Variants in SARNP observed in about 807,000 individuals in gnomAD.
SARNP encodes the protein SAP domain containing ribonucleoprotein.
In SARNP, 5 loss-of-function variants were observed where a neutral mutation model predicts 38.1. The observed-to-expected ratio is 0.13, with a 90% CI of 0.07 to 0.28. SARNP has a LOEUF of 0.28. Among genes scored for constraint, SARNP ranks in the 10% least tolerant of loss-of-function variants. The probability of loss-of-function intolerance (pLI) is 1.00; values close to 1 mark genes in which losing one functional copy is unlikely to be tolerated. For synonymous variants in SARNP, 84 were observed against 80.6 expected (o/e 1.04, Z -0.23); for missense variants, 180 against 243.9 (o/e 0.74, Z 1.75).
chr12:55,787,663 T>C (rs1355168227), intron 9 of SARNP, among the ~76,000 whole-genome samples: 1 of 152,108 alleles, frequency 6.6e-6, no homozygotes, highest in Non-Finnish European at 1.5e-5. Flanking sequence ...TCTCAACTCC[T>C]GACCTCAGGT....
chr12:55,790,573 T>C lies in SARNP; in HGVS notation c.426A>G (p.Lys142=). The part of the protein sequence containing the change: ...VPTKGLSSDN[K]PMVNLDKLKE... ...ATAAAAAAAGATTTCTTACCATAGG[T>C]TTGTTATCAGATGACAGACCTAAGG... The change falls in exon 8 of 11, where the codon AAA becomes AAG. Residue 142 remains lysine, a synonymous_variant. Coordinates refer to ENST00000336133, the MANE Select transcript of SARNP (RefSeq NM_033082.4). The C allele has an allele frequency of 1.3e-6, 2 of 1,554,690 alleles. No individual in the cohort carries two copies. Among genetic ancestry groups the C allele is most frequent in the Admixed American group, 2.0e-5 (1 of 51,176 alleles).
At chr12:55,789,521 A>G (rs536401363) in intron 8 of SARNP, among the ~76,000 whole-genome samples, 1 of 152,196 alleles carries the variant, frequency 6.6e-6, no homozygotes, top group African/African-American at 2.4e-5. Context: ...TCTTAACTCT[A>G]TCTCCAAACA....
intron 1 of SARNP, 86 bp downstream of exon 1, chr12:55,817,580 G>T: frequency 7.7e-7 from 1 of 1,298,702 alleles, no homozygotes; most frequent in East Asian, 2.5e-5. Context: ...AGGCTGCACG[G>T]AGAAGACGTA....
intron 9 of SARNP, among the ~76,000 whole-genome samples, chr12:55,787,787 C>T (rs1416032097): frequency 7.4e-5 from 11 of 148,384 alleles, no homozygotes; most frequent in Admixed American, 6.1e-4. Context: ...CTCGCTCTGT[C>T]GCCCAGGCTG....
rs1879635963 is a variant in SARNP, at chr12:55,790,571, G to C, written c.428C>G (p.Pro143Arg). The C allele has an allele frequency of 6.4e-7, 1 of 1,554,000 alleles. No homozygotes were observed. The highest frequency in any genetic ancestry group is 1.4e-5 in the African/African-American group (1 of 72,436). The change falls in exon 8 of 11, where the codon CCT (proline) becomes CGT (arginine). Residue 143 changes from proline to arginine, a missense_variant. Pro to Arg is a moderately radical substitution (Grantham distance 103). This residue lies in a region of SARNP where 161 missense variants were observed against 194.1 expected (regional missense o/e 0.83). Transcript: ENST00000336133. ...AAATAAAAAAAGATTTCTTACCATAGGTTTGTTATCAGATGACAGACCTAA... is the reference window on the plus strand; with the variant it reads ...AAATAAAAAAAGATTTCTTACCATACGTTTGTTATCAGATGACAGACCTAA... The part of the protein sequence containing the change: ...PTKGLSSDNK[P>R]MVNLDKLKER...
At chr12:55,815,608 C>T (rs142268055) in intron 1 of SARNP, among the ~76,000 whole-genome samples, 17 of 152,272 alleles carry the variant, frequency 1.1e-4, no homozygotes, top group Admixed American at 2.0e-4. Context: ...GGACTACAGG[C>T]ACTTGCCACC....
At chr12:55,771,055 A>G (rs1015244541) in intron 9 of SARNP, among the ~76,000 whole-genome samples, 9 of 151,328 alleles carry the variant, frequency 5.9e-5, no homozygotes, top group Non-Finnish European at 1.3e-4. Context: ...CTCCTGCCTC[A>G]GCCTCCCAAG....
At chr12:55,761,282 C>G (rs1006094195) in intron 9 of SARNP, among the ~76,000 whole-genome samples, 2 of 152,146 alleles carry the variant, frequency 1.3e-5, no homozygotes, top group East Asian at 1.9e-4. Flanking sequence ...TGAGGTTTCA[C>G]TGAATAACAC....
chr12:55,802,936 A>AC (rs1880025769), intron 2 of SARNP, among the ~76,000 whole-genome samples: 1 of 151,758 alleles, frequency 6.6e-6, no homozygotes, highest in Admixed American at 6.6e-5. Flanking sequence ...AAAAAAAAAA[A>AC]AACACAATAC....
chr12:55,766,613 TGGCG>T (rs1878837693), intron 9 of SARNP, among the ~76,000 whole-genome samples: 2 of 13,076 alleles, frequency 1.5e-4, no homozygotes, highest in African/African-American at 4.4e-4. Context: ...TGGGTTTTTT[TGGCG>T]GGGGGGGGGG....
At chr12:55,775,288 G>A (rs1244915747) in intron 9 of SARNP, among the ~76,000 whole-genome samples, 1 of 149,506 alleles carries the variant, frequency 6.7e-6, no homozygotes, top group East Asian at 1.9e-4. Context: ...GACAAGCATG[G>A]TGGCTCACGC....
intron 9 of SARNP, among the ~76,000 whole-genome samples, chr12:55,788,521 G>A (rs1396271999): frequency 6.6e-6 from 1 of 152,160 alleles, no homozygotes; most frequent in Non-Finnish European, 1.5e-5. Context: ...CTCAGGCTGG[G>A]TGCAGTGGCT....
intron 9 of SARNP, among the ~76,000 whole-genome samples, chr12:55,784,057 G>A (rs1462249235): frequency 6.6e-6 from 1 of 152,094 alleles, no homozygotes; most frequent in East Asian, 1.9e-4. Context: ...AAATCAGCAA[G>A]CACGCAGGGT....
At chr12:55,764,684 A>G (rs940482413) in intron 9 of SARNP, among the ~76,000 whole-genome samples, 1 of 149,324 alleles carries the variant, frequency 6.7e-6, no homozygotes, top group African/African-American at 2.5e-5. Context: ...AAAAAAATAC[A>G]AAAATTAGCT....
chr12:55,770,348 C>T (rs1229813882), intron 9 of SARNP, among the ~76,000 whole-genome samples: 1 of 151,348 alleles, frequency 6.6e-6, no homozygotes, highest in Non-Finnish European at 1.5e-5. Context: ...GCCTCAGTCT[C>T]CCGAGTAGCT....
intron 9 of SARNP, among the ~76,000 whole-genome samples, chr12:55,783,989 T>C (rs1297393772): frequency 6.6e-6 from 1 of 152,128 alleles, no homozygotes; most frequent in East Asian, 1.9e-4. Context: ...TTTGCTCTCA[T>C]ATACTTCCTC....
At chr12:55,787,063 TA>T (rs1288042175) in intron 9 of SARNP, among the ~76,000 whole-genome samples, 48 of 145,870 alleles carry the variant, frequency 3.3e-4, no homozygotes, top group African/African-American at 7.0e-4. Context: ...ACCTCATCTC[TA>T]AAAAAAAAAA....
rs548513921 is a variant in SARNP at position 55,766,795 on chromosome 12, G to GT, written c.502-6156dup. Among the ~76,000 whole-genome samples, 444 of 152,064 alleles carry GT rather than the reference G, an allele frequency of 2.9e-3. 2 individuals carry two copies. Among genetic ancestry groups the GT allele is most frequent in the African/African-American group, 9.7e-3 (404 of 41,468 alleles). On this transcript the variant is annotated intron_variant, in intron 9 of 10. Transcript: ENST00000336133. ...AAGCCAACACGCCCAACTAATTTTT[G>GT]TTTTTTTGTAGAGAGAGGGTTTCAC...
intron 7 of SARNP, 69 bp downstream of exon 7, chr12:55,794,290 T>G (rs776661051): frequency 8.2e-5 from 112 of 1,365,908 alleles, no homozygotes; most frequent in Non-Finnish European, 1.1e-4. Context: ...TTTGGAGAAA[T>G]AAAACCTGTT....
Sources: gnomAD v4.1 joint callset for allele counts (sites outside exome capture counted in the v4.1 genomes callset) on GRCh38, gnomAD v4.1.1 for gene constraint, gnomAD v4.1.1 regional missense constraint, MANE v1.5 for transcripts, NCBI Gene and HGNC (gene_info 2026-07-23, HGNC 2026-07-21) for gene names.